Variants in SPIN1 observed in about 807,000 individuals in gnomAD.
SPIN1 encodes the protein spindlin 1.
SPIN1 carries 3 observed loss-of-function variants against 26.0 expected under a neutral mutation model. The ratio of observed to expected loss-of-function variants is 0.12; its 90% CI spans 0.05 to 0.30. The LOEUF is 0.30. Ranked by LOEUF, SPIN1 falls within the 10% of genes least tolerant of loss-of-function variation. SPIN1 has a pLI of 1.00. For synonymous variants in SPIN1, 101 were observed against 116.5 expected (o/e 0.87, Z 0.86); for missense variants, 126 against 333.4 (o/e 0.38, Z 4.84).
chr9:88,451,717 C>T (rs755498352), intron 3 of SPIN1, among the ~76,000 whole-genome samples: 2 of 152,140 alleles, frequency 1.3e-5, no homozygotes, highest in Non-Finnish European at 2.9e-5. Flanking sequence ...TGCCGCAGCA[C>T]GCCCAGCTAA....
At chr9:88,449,419 A>G (rs1828315444) in intron 3 of SPIN1, among the ~76,000 whole-genome samples, 2 of 152,158 alleles carry the variant, frequency 1.3e-5, no homozygotes, top group Admixed American at 6.5e-5. Context: ...ATGGTGTCAC[A>G]TGCTCACTGT....
At position 88,389,652 on chromosome 9, in the gene SPIN1, C is replaced by A. The variant is rs2119019041; in HGVS notation, c.-159+1114C>A. 2.6e-5 allele frequency among the ~76,000 whole-genome samples: 4 copies of A among 151,754 alleles called. 1 individual carries two copies. In the Middle Eastern group the frequency reaches 0.01, roughly 387 times the overall value. On this transcript the variant is annotated intron_variant, in intron 1 of 5. Transcript: ENST00000375859. ...AACATTTAAATGTCTTAAAGGATTT[C>A]ACTCTACATGACTTGTGCCAGAGAC...
At chr9:88,409,291 G>A (rs187959632) in intron 1 of SPIN1, among the ~76,000 whole-genome samples, 2 of 152,098 alleles carry the variant, frequency 1.3e-5, no homozygotes, top group East Asian at 1.9e-4. Context: ...CACTGTGCCC[G>A]GCCTGCTTTT....
Position 88,478,500 on chromosome 9 carries a change from T to C in SPIN1, c.*3223T>C, listed in dbSNP as rs1317772192. 1 of 152,670 alleles carries C rather than the reference T, an allele frequency of 6.6e-6. No individual in the cohort carries two copies. The highest frequency in any genetic ancestry group is 1.5e-5 in the Non-Finnish European group (1 of 68,042). 9.5% of individuals were successfully genotyped at this position (152,670 alleles called of 1,614,324 possible). ...TTCGTGTTCACATTTTAAAATTAGG[T>C]AAATGACCTCATCTTTCAAGCTTGA... On this transcript the variant is annotated 3_prime_UTR_variant, in exon 6 of 6. Transcript: ENST00000375859.
At chr9:88,471,916 C>T (rs535803274) in intron 5 of SPIN1, among the ~76,000 whole-genome samples, 145 of 151,938 alleles carry the variant, frequency 9.5e-4, no homozygotes, top group Non-Finnish European at 1.5e-3. Flanking sequence ...TTGCAACCTC[C>T]GCCTCCCAAG....
intron 2 of SPIN1, among the ~76,000 whole-genome samples, chr9:88,435,051 CAAA>C (rs34421426): frequency 8.4e-5 from 6 of 71,618 alleles, no homozygotes; most frequent in Admixed American, 1.6e-4. Context: ...GACTCCAGCT[CAAA>C]AAAAAAAAAA....
At chr9:88,459,443 T>G (rs1828533600) in intron 3 of SPIN1, among the ~76,000 whole-genome samples, 1 of 152,150 alleles carries the variant, frequency 6.6e-6, no homozygotes, top group Non-Finnish European at 1.5e-5. Flanking sequence ...TTTTGTTTAT[T>G]TTTATGTTAT....
intron 1 of SPIN1, among the ~76,000 whole-genome samples, chr9:88,408,230 T>G (rs1390836461): frequency 6.6e-6 from 1 of 151,924 alleles, no homozygotes. Flanking sequence ...TTTCGAAAAG[T>G]TGACAGGCAA....
intron 2 of SPIN1, among the ~76,000 whole-genome samples, chr9:88,439,624 T>C (rs1437121932): frequency 6.6e-6 from 1 of 152,198 alleles, no homozygotes; most frequent in Non-Finnish European, 1.5e-5. Context: ...TTCCTATAGT[T>C]CCATCAGCTT....
chr9:88,399,576 C>G (rs572498132), intron 1 of SPIN1, among the ~76,000 whole-genome samples: 9 of 151,976 alleles, frequency 5.9e-5, no homozygotes, highest in African/African-American at 1.7e-4. Flanking sequence ...TAAGGAGAGC[C>G]CAGAGGAAGG....
At chr9:88,390,996 T>C (rs796556908) in intron 1 of SPIN1, among the ~76,000 whole-genome samples, 11 of 152,304 alleles carry the variant, frequency 7.2e-5, no homozygotes, top group Admixed American at 2.6e-4. Context: ...ATAATTATGC[T>C]CTTGCCAAAC....
In SPIN1 at chr9:88,475,575, A is replaced by G; in HGVS notation, c.*298A>G. On this transcript the variant is annotated 3_prime_UTR_variant, in exon 6 of 6. Transcript: ENST00000375859. ...TTTAAAATTGTAATAGATCTTAACC[A>G]TTTTCCCCCTCACCCTAACTCTCTT... The G allele has an allele frequency of 4.1e-6, 1 of 243,926 alleles. No individual in the cohort carries two copies. Among genetic ancestry groups the G allele is most frequent in the Non-Finnish European group, 8.0e-6 (1 of 124,520 alleles). The allele number at this position is 243,926 out of a possible 1,614,324, so 15.1% of individuals were successfully genotyped here.
chr9:88,412,052 GCCTGTAGT>G (rs1362211856), intron 1 of SPIN1, among the ~76,000 whole-genome samples: 1 of 151,692 alleles, frequency 6.6e-6, no homozygotes. Flanking sequence ...TGTGGTGGGC[GCCTGTAGT>G]CCCAGCTACT....
intron 1 of SPIN1, among the ~76,000 whole-genome samples, chr9:88,396,354 C>G (rs949821188): frequency 9.2e-5 from 14 of 152,142 alleles, no homozygotes; most frequent in African/African-American, 3.4e-4. Flanking sequence ...GTACTCCCAG[C>G]ACTTTGGGAG....
At chr9:88,425,712 A>C (rs186700308) in intron 1 of SPIN1, among the ~76,000 whole-genome samples, 29 of 151,758 alleles carry the variant, frequency 1.9e-4, no homozygotes, top group Non-Finnish European at 3.5e-4. Context: ...CCATAAAATG[A>C]CTTTGGCATT....
At chr9:88,434,332 A>G (rs1195030729) in intron 2 of SPIN1, among the ~76,000 whole-genome samples, 1 of 118,210 alleles carries the variant, frequency 8.5e-6, no homozygotes, top group Non-Finnish European at 1.7e-5. Context: ...TTATTTTACA[A>G]ATTATAAAAT....
At chr9:88,474,932 A>T (rs541817574) in intron 5 of SPIN1, 146 bp from the exon 6 acceptor site, 2 of 753,784 alleles carry the variant, frequency 2.7e-6, no homozygotes, top group South Asian at 4.7e-5. Context: ...ACGTTTGCTG[A>T]CTCCTGGTCT....
chr9:88,473,771 A>G (rs1828838521), intron 5 of SPIN1, among the ~76,000 whole-genome samples: 2 of 152,156 alleles, frequency 1.3e-5, no homozygotes, highest in Non-Finnish European at 2.9e-5. Context: ...ACAGGCCTCT[A>G]CATGACTCCC....
rs1828921875 is a variant in SPIN1 at position 88,478,236 on chromosome 9, C to T, written c.*2959C>T. On this transcript the variant is annotated 3_prime_UTR_variant, in exon 6 of 6. Coordinates refer to ENST00000375859, the MANE Select transcript of SPIN1 (RefSeq NM_006717.3). ...CCAAACCACGAAGTGCATTGGGCTT[C>T]AATCTCTGAACACTGTAGACCCATT... The T allele has an allele frequency of 6.6e-6, 1 of 152,606 alleles. No homozygotes were observed. The highest frequency in any genetic ancestry group is 2.4e-5 in the African/African-American group (1 of 41,436). 9.5% of individuals were successfully genotyped at this position (152,606 alleles called of 1,614,324 possible). A position where few individuals can be genotyped will look rare whatever the true frequency, so the allele number is the denominator to read the frequency against.
Sources: gnomAD v4.1 joint callset for allele counts (sites outside exome capture counted in the v4.1 genomes callset) on GRCh38, gnomAD v4.1.1 for gene constraint, MANE v1.5 for transcripts, NCBI Gene and HGNC (gene_info 2026-07-23, HGNC 2026-07-21) for gene names.